The following CNTNAP5 variants were observed in gnomAD, a reference collection of about 807,000 sequenced individuals.
The protein encoded by CNTNAP5 is contactin associated protein family member 5.
CNTNAP5 carries 72 observed loss-of-function variants against 150.2 expected under a neutral mutation model. The observed-to-expected ratio is 0.48, with a 90% confidence interval of 0.40 to 0.58. CNTNAP5 has a LOEUF of 0.58. Among genes scored for constraint, CNTNAP5 ranks in the 20% least tolerant of loss-of-function variants. The pLI is 0.00. For synonymous variants in CNTNAP5, 672 were observed against 619.8 expected (o/e 1.08, Z -1.25); for missense variants, 1,636 against 1,626.2 (o/e 1.01, Z -0.10).
In CNTNAP5 at chr2:124,597,220, G is replaced by A. The variant is rs1008564988; in HGVS notation, c.1757-12581G>A. On this transcript the variant is annotated intron_variant, in intron 11 of 23. Coordinates refer to ENST00000682447, the MANE Select transcript of CNTNAP5 (RefSeq NM_001367498.1). ...CTGGTGATTTTGCTCGTTAGTTGAT[G>A]CAGTTTATTCCTAGTCTCGATGGTC... is the stretch of plus-strand genomic sequence containing the variant. Among the ~76,000 whole-genome samples the A allele has an allele frequency of 1.4e-4, 21 of 149,110 alleles. No homozygotes were observed. The South Asian group carries it at 1.7e-3, about 12-fold the overall frequency.
chr2:124,061,268 A>G (rs1682003497), intron 1 of CNTNAP5, among the ~76,000 whole-genome samples: 2 of 152,200 alleles, frequency 1.3e-5, no homozygotes, highest in African/African-American at 4.8e-5. Flanking sequence ...TCTTTAATCT[A>G]TCACTTGATC....
At chr2:124,840,393 C>T (rs1357982085) in intron 19 of CNTNAP5, among the ~76,000 whole-genome samples, 1 of 152,098 alleles carries the variant, frequency 6.6e-6, no homozygotes. Flanking sequence ...CCATTGCATA[C>T]TGCCTCAGAG....
chr2:124,510,749 A>G (rs1011416591), intron 8 of CNTNAP5, among the ~76,000 whole-genome samples: 7 of 151,948 alleles, frequency 4.6e-5, no homozygotes, highest in African/African-American at 1.7e-4. Context: ...CCCGTGCCCC[A>G]TGAAACAAGA....
At chr2:124,311,892 TA>T (rs1688839978) in intron 3 of CNTNAP5, among the ~76,000 whole-genome samples, 1 of 152,182 alleles carries the variant, frequency 6.6e-6, no homozygotes, top group Non-Finnish European at 1.5e-5. Flanking sequence ...AGCAATAGCA[TA>T]TTACAGATAT....
chr2:124,640,995 G>A (rs1678079746), intron 12 of CNTNAP5, among the ~76,000 whole-genome samples: 2 of 151,780 alleles, frequency 1.3e-5, no homozygotes, highest in South Asian at 2.1e-4. Flanking sequence ...GCGTGGTGGC[G>A]CATGACTGTA....
At chr2:124,904,071 A>C (rs971424845) in intron 22 of CNTNAP5, among the ~76,000 whole-genome samples, 1 of 150,990 alleles carries the variant, frequency 6.6e-6, no homozygotes, top group Admixed American at 6.6e-5. Flanking sequence ...AAAACAAAAA[A>C]AAAAAAACCA....
intron 3 of CNTNAP5, among the ~76,000 whole-genome samples, chr2:124,278,712 G>A (rs1460032778): frequency 2.0e-5 from 3 of 152,154 alleles, no homozygotes; most frequent in African/African-American, 7.2e-5. Flanking sequence ...TTGAACTAAG[G>A]TGGAAAGATA....
chr2:124,397,380 T>A (rs1691278288), intron 3 of CNTNAP5, among the ~76,000 whole-genome samples: 1 of 152,170 alleles, frequency 6.6e-6, no homozygotes, highest in South Asian at 2.1e-4. Context: ...TGTTTTCTCA[T>A]TGCCTCCTCA....
At position 124,865,358 on chromosome 2, in the gene CNTNAP5, C is replaced by A. The variant is rs867750351; in HGVS notation, c.3270C>A (p.Thr1090=). 2 of 1,563,114 alleles carry A rather than the reference C, an allele frequency of 1.3e-6. No individual in the cohort carries two copies. Among genetic ancestry groups the A allele is most frequent in the Middle Eastern group, 3.3e-4 (2 of 6,002 alleles). ...ACAAGGAAGAAACCCATGTATTCAC[C>A]ATTGATGCAGATAACTTTGCTAACA... ...HLNKEETHVF[T]IDADNFANRR... The change falls in exon 20 of 24, where the codon ACC becomes ACA. Residue 1090 remains threonine, a synonymous_variant. Coordinates refer to ENST00000682447, the MANE Select transcript of CNTNAP5 (RefSeq NM_001367498.1).
chr2:124,508,099 T>G (rs1001383211), intron 8 of CNTNAP5, among the ~76,000 whole-genome samples: 1 of 146,364 alleles, frequency 6.8e-6, no homozygotes, highest in Admixed American at 6.8e-5. Context: ...AAAAAAAAAA[T>G]TATGTTGGTG....
At chr2:124,656,212 G>T (rs1423272299) in intron 13 of CNTNAP5, among the ~76,000 whole-genome samples, 2 of 152,110 alleles carry the variant, frequency 1.3e-5, no homozygotes, top group Non-Finnish European at 2.9e-5. Context: ...ACTACCCTAA[G>T]AAATGCAGTG....
chr2:124,317,401 G>A (rs1276521476), intron 3 of CNTNAP5, among the ~76,000 whole-genome samples: 1 of 152,120 alleles, frequency 6.6e-6, no homozygotes, highest in Non-Finnish European at 1.5e-5. Flanking sequence ...AGCTAAGACT[G>A]AATGCAAGCT....
intron 19 of CNTNAP5, among the ~76,000 whole-genome samples, chr2:124,814,935 A>G (rs1156353169): frequency 6.6e-6 from 1 of 152,198 alleles, no homozygotes; most frequent in African/African-American, 2.4e-5. Context: ...CAGCTCCGTA[A>G]TGCTAATACT....
chr2:124,287,165 T>G (rs1302985033), intron 3 of CNTNAP5, among the ~76,000 whole-genome samples: 1 of 152,226 alleles, frequency 6.6e-6, no homozygotes, highest in Non-Finnish European at 1.5e-5. Flanking sequence ...GGTGCTTACC[T>G]GTGCCAGGCA....
chr2:124,511,969 G>T (rs1217603709), intron 8 of CNTNAP5, among the ~76,000 whole-genome samples: 1 of 149,274 alleles, frequency 6.7e-6, no homozygotes, highest in Non-Finnish European at 1.5e-5. Flanking sequence ...GTGTATATGT[G>T]TGTGTGTGCG....
At chr2:124,399,367 A>T (rs1198442000) in intron 3 of CNTNAP5, among the ~76,000 whole-genome samples, 1 of 152,188 alleles carries the variant, frequency 6.6e-6, no homozygotes, top group Non-Finnish European at 1.5e-5. Flanking sequence ...ATGATTAAAA[A>T]AGACACATGA....
chr2:124,368,457 A>C (rs1690431536), intron 3 of CNTNAP5, among the ~76,000 whole-genome samples: 2 of 152,158 alleles, frequency 1.3e-5, no homozygotes. Context: ...TACAAATATG[A>C]CCCAGGAAGT....
rs1024374135 is a variant in CNTNAP5 at position 124,025,676 on chromosome 2, G to C, written c.26G>C (p.Ser9Thr). 3 of 1,613,804 alleles carry C rather than the reference G, an allele frequency of 1.9e-6. No homozygotes were observed. Among genetic ancestry groups the C allele is most frequent in the Admixed American group, 3.3e-5 (2 of 60,000 alleles). MDSLPRLT[S>T]VLTLLFSGLW... ...ATGGATTCTTTACCACGGCTGACCA[G>C]CGTTTTGACTTTGCTGTTCTCTGGC... The change falls in exon 1 of 24, where the codon AGC becomes ACC. Residue 9 changes from serine to threonine, a missense_variant. Coordinates refer to ENST00000682447, the MANE Select transcript of CNTNAP5 (RefSeq NM_001367498.1).
intron 5 of CNTNAP5, among the ~76,000 whole-genome samples, chr2:124,439,681 C>T (rs544148668): frequency 3.4e-4 from 51 of 152,056 alleles, no homozygotes; most frequent in Non-Finnish European, 5.1e-4. Flanking sequence ...GCTTCCTGTC[C>T]GTTTCTTATT....
Sources: allele counts gnomAD v4.1 joint callset (sites outside exome capture counted in the v4.1 genomes callset), GRCh38; gene constraint gnomAD v4.1.1; transcripts MANE v1.5; gene names NCBI Gene and HGNC (gene_info 2026-07-23, HGNC 2026-07-21).